MAPDA: variants seen among roughly 807,000 people sequenced by gnomAD.
MAPDA encodes N6,N6-dimethyl-AMP deaminase.
the MAPDA span, chr15:43,335,248 A>G: frequency 2.6e-6 from 4 of 1,534,062 alleles, no homozygotes; most frequent in Non-Finnish European, 2.7e-6. Context: ...ATCAAAGTAA[A>G]TTTTGGCTGG....
At chr15:43,339,767 T>G in the MAPDA span, among the ~76,000 whole-genome samples, 1 of 152,230 alleles carries the variant, frequency 6.6e-6, no homozygotes, top group African/African-American at 2.4e-5. Flanking sequence ...AATTTAACCC[T>G]GCCAGAATTT....
At chr15:43,335,968 A>AT in the MAPDA span, 7 of 999,724 alleles carry the variant, frequency 7.0e-6, no homozygotes, top group African/African-American at 3.3e-5. Context: ...AACATACAAC[A>AT]TTTTTTTCCA....
chr15:43,344,167 G>C, the MAPDA span, among the ~76,000 whole-genome samples: 1 of 152,128 alleles, frequency 6.6e-6, no homozygotes, highest in African/African-American at 2.4e-5. Flanking sequence ...TTTTCCCTCT[G>C]ACACAGTAAT....
At chr15:43,335,727 G>C in the MAPDA span, 2 of 1,613,784 alleles carry the variant, frequency 1.2e-6, no homozygotes. Flanking sequence ...GGATCCATTA[G>C]TTCTCATACC....
chr15:43,340,419 G>T, the MAPDA span: 1 of 1,352,234 alleles, frequency 7.4e-7, no homozygotes, highest in Admixed American at 1.9e-5. Flanking sequence ...TCACATGTTT[G>T]TGAGTGGGAA....
At chr15:43,340,629 A>G in the MAPDA span, among the ~76,000 whole-genome samples, 5 of 152,094 alleles carry the variant, frequency 3.3e-5, no homozygotes, top group African/African-American at 9.7e-5. Flanking sequence ...GGGCCCAACA[A>G]TCACCTCAGC....
chr15:43,352,946 CTCTT>C, the MAPDA span: 8 of 150,910 alleles, frequency 5.3e-5, no homozygotes, highest in Admixed American at 4.0e-4. Flanking sequence ...AGCTGCAGCT[CTCTT>C]TTTTTTTTTT....
the MAPDA span, chr15:43,351,482 A>C: frequency 2.3e-6 from 1 of 440,386 alleles, no homozygotes; most frequent in Non-Finnish European, 4.0e-6. Flanking sequence ...GTTTTATTTG[A>C]TCTGGGGTGA....
the MAPDA span, chr15:43,349,104 G>A: frequency 6.2e-7 from 1 of 1,611,522 alleles, no homozygotes; most frequent in Non-Finnish European, 8.5e-7. Flanking sequence ...CAATCCCCAG[G>A]TTGCCTGGGG....
the MAPDA span, chr15:43,343,015 T>C: frequency 1.3e-6 from 2 of 1,586,154 alleles, no homozygotes; most frequent in Non-Finnish European, 1.7e-6. Flanking sequence ...AAGACTTATG[T>C]GGAATCTATA....
chr15:43,340,213 G>A, the MAPDA span: 3 of 1,513,746 alleles, frequency 2.0e-6, no homozygotes, highest in East Asian at 4.5e-5. Flanking sequence ...CACATTCATT[G>A]GGACCCTTAC....
chr15:43,337,218 G>T, the MAPDA span, among the ~76,000 whole-genome samples: 8 of 148,940 alleles, frequency 5.4e-5, no homozygotes, highest in Non-Finnish European at 8.9e-5. Flanking sequence ...GGAGCTTGCG[G>T]AGAGCCGAGA....
At chr15:43,345,369 A>AAAAG in the MAPDA span, among the ~76,000 whole-genome samples, 1,882 of 145,000 alleles carry the variant, frequency 0.013, 76 homozygotes, top group Admixed American at 0.053. Flanking sequence ...AAAAAAAAAA[A>AAAAG]AAATAGGACA....
At chr15:43,351,042 GTA>G in the MAPDA span, 6 of 1,551,074 alleles carry the variant, frequency 3.9e-6, no homozygotes, top group East Asian at 1.5e-4. Context: ...TGTGATCTGT[GTA>G]AGGTGTTCCG....
At chr15:43,345,926 C>T in the MAPDA span, 1 of 1,614,208 alleles carries the variant, frequency 6.2e-7, no homozygotes, top group Non-Finnish European at 8.5e-7. Flanking sequence ...CCGAGGAGTT[C>T]TTCCTTTCTA....
the MAPDA span, among the ~76,000 whole-genome samples, chr15:43,340,566 C>T: frequency 6.6e-6 from 1 of 152,114 alleles, no homozygotes; most frequent in Non-Finnish European, 1.5e-5. Flanking sequence ...TGCTGTCTTG[C>T]CCAGGCTGGA....
chr15:43,334,251 G>A, the MAPDA span, among the ~76,000 whole-genome samples: 2 of 152,160 alleles, frequency 1.3e-5, no homozygotes, highest in Non-Finnish European at 1.5e-5. Context: ...AACCTGTAGA[G>A]CTGGTAAAAG....
chr15:43,334,944 G>T, the MAPDA span: 6 of 476,742 alleles, frequency 1.3e-5, no homozygotes, highest in Non-Finnish European at 2.1e-5. Context: ...TGTTAAAATA[G>T]GTGAAGCTGA....
the MAPDA span, among the ~76,000 whole-genome samples, chr15:43,341,668 C>CA: frequency 6.6e-6 from 1 of 151,524 alleles, no homozygotes; most frequent in African/African-American, 2.4e-5. Flanking sequence ...ATAAGACCCC[C>CA]CCCACCTCTA....
Sources: gnomAD v4.1 joint callset for allele counts (sites outside exome capture counted in the v4.1 genomes callset) on GRCh38, gnomAD v4.1.1 for gene constraint, MANE v1.5 for transcripts, NCBI Gene and HGNC (gene_info 2026-07-23, HGNC 2026-07-21) for gene names.